ANKRD6: variants seen among roughly 807,000 people sequenced by gnomAD.
ANKRD6 encodes ankyrin repeat domain-containing protein 6.
Under a neutral mutation model 82.3 loss-of-function variants are expected in ANKRD6, and 56 were observed. That is an observed-to-expected ratio of 0.68 (90% CI 0.55 to 0.85). ANKRD6 has a LOEUF of 0.85. Among genes scored for constraint, ANKRD6 ranks in the 40% least tolerant of loss-of-function variants. ANKRD6 has a pLI of 0.00. For synonymous variants in ANKRD6, 347 were observed against 352.1 expected (o/e 0.99, Z 0.16); for missense variants, 852 against 907.6 (o/e 0.94, Z 0.79).
Position 89,633,576 on chromosome 6 carries a change from G to T in ANKRD6, c.*2572G>T, listed in dbSNP as rs1217035412. The T allele has an allele frequency of 1.3e-5, 2 of 152,118 alleles. No homozygotes were observed. The highest frequency in any genetic ancestry group is 2.9e-5 in the Non-Finnish European group (2 of 68,016). The allele number at this position is 152,118 out of a possible 1,614,324, so 9.4% of individuals were successfully genotyped here. ...TGTACAGTATTAGTGTTTTTTTAAA[G>T]AAATTGTTAGTGCATTATTGAGTAT... is the stretch of plus-strand genomic sequence containing the variant. On this transcript the variant is annotated 3_prime_UTR_variant, in exon 16 of 16. Transcript: ENST00000339746.
chr6:89,539,741 CT>C (rs570865099), intron 1 of ANKRD6, among the ~76,000 whole-genome samples: 292 of 142,370 alleles, frequency 2.1e-3, no homozygotes, highest in Middle Eastern at 7.2e-3. Flanking sequence ...AGGTCTTATT[CT>C]TTTTTTTTTT....
chr6:89,595,899 T>C lies in ANKRD6; in HGVS notation c.121-17T>C. The C allele has an allele frequency of 6.3e-7, 1 of 1,589,086 alleles. No homozygotes were observed. Among genetic ancestry groups the C allele is most frequent in the Non-Finnish European group, 8.6e-7 (1 of 1,165,240 alleles). On this transcript the variant is annotated splice_polypyrimidine_tract_variant and intron_variant, in intron 2 of 15. Coordinates refer to ENST00000339746, the MANE Select transcript of ANKRD6 (RefSeq NM_001242809.2). ...TGAGGACTTGTTCCGAAATCATTGT[T>C]CATTTTGCATTCACAGCATGGCCGG...
rs578218276 is a variant in ANKRD6 at position 89,589,163 on chromosome 6, T to A, written c.121-6753T>A. On this transcript the variant is annotated intron_variant, in intron 2 of 15. Coordinates refer to ENST00000339746, the MANE Select transcript of ANKRD6 (RefSeq NM_001242809.2). ...TTGGTCTGAAAGGCCTGCCCTTTAG[T>A]AAGTAGGGTCCAAGATACTGAAGCA... 3.9e-4 allele frequency among the ~76,000 whole-genome samples: 59 copies of A among 152,204 alleles called. No individual in the cohort carries two copies. The South Asian group carries it at 0.012, about 31-fold the overall frequency.
At chr6:89,614,354 T>A (rs539531895) in intron 7 of ANKRD6, among the ~76,000 whole-genome samples, 32 of 152,068 alleles carry the variant, frequency 2.1e-4, no homozygotes, top group East Asian at 1.2e-3. Context: ...AAAATTTTTT[T>A]AAAAATTTGG....
chr6:89,498,526 A>ATT lies in ANKRD6; in HGVS notation c.-144+65159_-144+65160dup, dbSNP rs34963087. Among the ~76,000 whole-genome samples the ATT allele has an allele frequency of 4.5e-4, 60 of 134,196 alleles. 1 individual carries two copies. In the East Asian group the frequency reaches 6.8e-3, roughly 15 times the overall value. The allele number at this position is 134,196 out of a possible 152,430, so 88.0% of individuals were successfully genotyped here. On this transcript the variant is annotated intron_variant, in intron 1 of 15. Coordinates refer to ENST00000339746, the MANE Select transcript of ANKRD6 (RefSeq NM_001242809.2). ...AATAGATTTCCCTTTATATATATAT[A>ATT]TTTTTTTTTACCTTGTTTACATTTT...
intron 1 of ANKRD6, among the ~76,000 whole-genome samples, chr6:89,497,188 A>G (rs1382917663): frequency 6.6e-6 from 1 of 152,244 alleles, no homozygotes; most frequent in Non-Finnish European, 1.5e-5. Flanking sequence ...TGCAACAAAA[A>G]CCAGGTTTCC....
At chr6:89,499,844 TG>T (rs1779070619) in intron 1 of ANKRD6, among the ~76,000 whole-genome samples, 1 of 152,148 alleles carries the variant, frequency 6.6e-6, no homozygotes, top group Non-Finnish European at 1.5e-5. Flanking sequence ...TCTGTTATGA[TG>T]CCCACTTTGA....
At chr6:89,549,959 G>A (rs1306246160) in intron 1 of ANKRD6, among the ~76,000 whole-genome samples, 2 of 152,016 alleles carry the variant, frequency 1.3e-5, no homozygotes, top group Non-Finnish European at 2.9e-5. Flanking sequence ...AGCCAGACTT[G>A]GTGGCAGGCC....
At position 89,562,414 on chromosome 6, in the gene ANKRD6, A is replaced by G. The variant is rs1444046314; in HGVS notation, c.-143-4420A>G. ...CCTGTTTTCTTGGAGGCAGTTTATTACAGATTTCAACCCTTTCTGCATCCC... is the reference window on the plus strand; with the variant it reads ...CCTGTTTTCTTGGAGGCAGTTTATTGCAGATTTCAACCCTTTCTGCATCCC... On this transcript the variant is annotated intron_variant, in intron 1 of 15. Coordinates refer to ENST00000339746, the MANE Select transcript of ANKRD6 (RefSeq NM_001242809.2). The G allele has an allele frequency of 2.0e-5, 3 of 152,220 alleles. No individual in the cohort carries two copies. In the South Asian group the frequency reaches 6.2e-4, roughly 31 times the overall value. The allele number at this position is 152,220 out of a possible 1,614,324, so 9.4% of individuals were successfully genotyped here. A position where few individuals can be genotyped will look rare whatever the true frequency, so the allele number is the denominator to read the frequency against.
In ANKRD6 at chr6:89,613,801, A is replaced by G; in HGVS notation, c.526A>G (p.Thr176Ala). Reference protein sequence around the residue: ...RADLKNNAGDTCLHVAARYNH... With the variant: ...RADLKNNAGDACLHVAARYNH... ...TGATTTTTGTCCGCAGGCAGGAGAC[A>G]CCTGTTTGCACGTTGCTGCGCGCTA... The change falls in exon 7 of 16, where the codon ACC becomes GCC. Residue 176 changes from threonine to alanine, a missense_variant. Physicochemically the swap from Thr to Ala is moderately conservative, Grantham distance 58. Coordinates refer to ENST00000339746, the MANE Select transcript of ANKRD6 (RefSeq NM_001242809.2). The G allele has an allele frequency of 6.2e-7, 1 of 1,614,008 alleles. No homozygotes were observed. Among genetic ancestry groups the G allele is most frequent in the Non-Finnish European group, 8.5e-7 (1 of 1,179,888 alleles).
intron 1 of ANKRD6, among the ~76,000 whole-genome samples, chr6:89,547,216 G>A (rs1032807682): frequency 3.3e-5 from 5 of 151,570 alleles, no homozygotes; most frequent in African/African-American, 1.2e-4. Flanking sequence ...GGTTACATAT[G>A]TGTTCTAGCA....
intron 2 of ANKRD6, among the ~76,000 whole-genome samples, chr6:89,569,755 CCTGT>C (rs1448930306): frequency 6.6e-6 from 1 of 152,150 alleles, no homozygotes; most frequent in African/African-American, 2.4e-5. Flanking sequence ...CCAGTGCTTG[CCTGT>C]CTTTTTTTAT....
intron 1 of ANKRD6, among the ~76,000 whole-genome samples, chr6:89,473,201 A>G (rs1775671975): frequency 6.6e-6 from 1 of 152,110 alleles, no homozygotes; most frequent in Non-Finnish European, 1.5e-5. Flanking sequence ...ACCTGAGGTC[A>G]GGAGTTTGAG....
At chr6:89,477,690 G>A (rs989639347) in intron 1 of ANKRD6, among the ~76,000 whole-genome samples, 60 of 150,186 alleles carry the variant, frequency 4.0e-4, no homozygotes, top group African/African-American at 1.4e-3. Flanking sequence ...AGAATGGCAT[G>A]AACCCGGGGG....
intron 1 of ANKRD6, among the ~76,000 whole-genome samples, chr6:89,488,866 A>ATCTAT (rs57575981): frequency 0.31 from 44,836 of 142,980 alleles, 7,228 homozygotes; most frequent in Middle Eastern, 0.34. Context: ...AAATATATCG[A>ATCTAT]TCTATTCTAT....
At chr6:89,543,811 A>G (rs1021991238) in intron 1 of ANKRD6, among the ~76,000 whole-genome samples, 1 of 152,158 alleles carries the variant, frequency 6.6e-6, no homozygotes, top group Admixed American at 6.5e-5. Flanking sequence ...TATCTCGCCC[A>G]TGCCAATCAG....
chr6:89,572,951 C>A (rs1790266135), intron 2 of ANKRD6, among the ~76,000 whole-genome samples: 1 of 152,118 alleles, frequency 6.6e-6, no homozygotes, highest in Non-Finnish European at 1.5e-5. Context: ...AGTGTGAGCT[C>A]TTCACAGTTT....
chr6:89,482,391 A>G (rs1254898590), intron 1 of ANKRD6, among the ~76,000 whole-genome samples: 2 of 152,262 alleles, frequency 1.3e-5, no homozygotes, highest in Admixed American at 6.5e-5. Flanking sequence ...GCTTCATCCC[A>G]GTATAAATCA....
intron 9 of ANKRD6, chr6:89,619,600 C>T (rs1014131720): frequency 1.2e-4 from 18 of 152,186 alleles, no homozygotes; most frequent in Non-Finnish European, 2.9e-5. Flanking sequence ...TTTCTCCATG[C>T]TTACATCGAA....
Sources: gnomAD v4.1 joint callset for allele counts (sites outside exome capture counted in the v4.1 genomes callset) on GRCh38, gnomAD v4.1.1 for gene constraint, MANE v1.5 for transcripts, NCBI Gene and HGNC (gene_info 2026-07-23, HGNC 2026-07-21) for gene names.